The following EPHA5 variants were observed in gnomAD, a reference collection of about 807,000 sequenced individuals.
EPHA5 encodes the protein EPH receptor A5.
Under a neutral mutation model 105.0 loss-of-function variants are expected in EPHA5, and 60 were observed. The ratio of observed to expected loss-of-function variants is 0.57; its 90% CI spans 0.46 to 0.71. The LOEUF (loss-of-function observed/expected upper bound fraction) is 0.71, where lower values mean the gene tolerates loss of function less well. Ranked by LOEUF, EPHA5 falls within the 30% of genes least tolerant of loss-of-function variation. The pLI is 0.00. For synonymous variants in EPHA5, 513 were observed against 449.1 expected (o/e 1.14, Z -1.80); for missense variants, 1,218 against 1,274.7 (o/e 0.96, Z 0.68).
rs575608289 is a variant in EPHA5, at chr4:65,418,862, C to CTTTTTTTTTTTTTTTT, written c.1527+1563_1527+1578dup. Among the ~76,000 whole-genome samples the CTTTTTTTTTTTTTTTT allele has an allele frequency of 2.6e-3, 122 of 47,074 alleles. 13 individuals carry two copies. The highest frequency in any genetic ancestry group is 3.0e-3 in the Non-Finnish European group (85 of 28,352). The allele number at this position is 47,074 out of a possible 152,430, so 30.9% of individuals were successfully genotyped here. ...AACATTCAATACACTTACCTAAACTCTTTTTTTTTTTTTTTTTTTTTTTTT... is the reference window on the plus strand; with the variant it reads ...AACATTCAATACACTTACCTAAACTCTTTTTTTTTTTTTTTTTTTTTTTTTTTTTTTTTTTTTTTTT... On this transcript the variant is annotated intron_variant, in intron 6 of 16. Transcript: ENST00000613740.
At chr4:65,476,125 A>AGT (rs1472563369) in intron 5 of EPHA5, among the ~76,000 whole-genome samples, 18,854 of 130,868 alleles carry the variant, frequency 0.14, 1,136 homozygotes, top group Non-Finnish European at 0.18. Context: ...AGAGAGAGAG[A>AGT]GAGTGTGTGT....
chr4:65,665,556 C>T (rs1749896254), intron 1 of EPHA5, among the ~76,000 whole-genome samples: 1 of 151,922 alleles, frequency 6.6e-6, no homozygotes, highest in African/African-American at 2.4e-5. Flanking sequence ...AAAAAGTGCA[C>T]CTTTTTTTCC....
intron 6 of EPHA5, among the ~76,000 whole-genome samples, chr4:65,415,022 T>C (rs921804823): frequency 1.3e-5 from 2 of 152,310 alleles, no homozygotes; most frequent in Admixed American, 6.5e-5. Flanking sequence ...AACGTTTTTA[T>C]TTATCTTTGA....
intron 3 of EPHA5, among the ~76,000 whole-genome samples, chr4:65,512,327 T>C (rs1206150689): frequency 6.6e-6 from 1 of 152,048 alleles, no homozygotes; most frequent in East Asian, 1.9e-4. Context: ...AATAAATATG[T>C]CAGGAAATGT....
chr4:65,621,349 A>G (rs1745688720), intron 2 of EPHA5, among the ~76,000 whole-genome samples: 1 of 152,182 alleles, frequency 6.6e-6, no homozygotes, highest in Non-Finnish European at 1.5e-5. Flanking sequence ...ATGTACTGGC[A>G]AAGTGACTTT....
rs1365023269 is a variant in EPHA5 at position 65,336,203 on chromosome 4, C to T, written c.2596-78G>A. 1.4e-5 allele frequency: 16 copies of T among 1,163,738 alleles called. No individual in the cohort carries two copies. In the East Asian group the frequency reaches 3.0e-4, roughly 22 times the overall value. The allele number at this position is 1,163,738 out of a possible 1,614,324, so 72.1% of individuals were successfully genotyped here. A position where few individuals can be genotyped will look rare whatever the true frequency, so the allele number is the denominator to read the frequency against. ...ATAGCTTTAAAAATGTCCCACTGTC[C>T]AACTTTTATCCTTTCTTATCCTTAC... On this transcript the variant is annotated intron_variant, in intron 14 of 16. Coordinates refer to ENST00000613740, the MANE Select transcript of EPHA5 (RefSeq NM_001281766.3).
intron 3 of EPHA5, among the ~76,000 whole-genome samples, chr4:65,550,277 G>A (rs1353905544): frequency 6.6e-6 from 1 of 151,688 alleles, no homozygotes; most frequent in African/African-American, 2.4e-5. Flanking sequence ...GTAGTGGAGG[G>A]GTGCCCATAT....
At chr4:65,631,904 A>G (rs1187439915) in intron 2 of EPHA5, among the ~76,000 whole-genome samples, 2 of 152,106 alleles carry the variant, frequency 1.3e-5, no homozygotes, top group Non-Finnish European at 2.9e-5. Context: ...CAGGGTAAAC[A>G]CAGTGATACT....
At chr4:65,451,549 T>C (rs1727069260) in intron 5 of EPHA5, among the ~76,000 whole-genome samples, 1 of 152,148 alleles carries the variant, frequency 6.6e-6, no homozygotes, top group South Asian at 2.1e-4. Context: ...TTTATAACAA[T>C]TAAACAGCAA....
intron 5 of EPHA5, among the ~76,000 whole-genome samples, chr4:65,430,578 C>T (rs1164352046): frequency 6.6e-6 from 1 of 151,992 alleles, no homozygotes; most frequent in African/African-American, 2.4e-5. Context: ...ACTTTATATA[C>T]ATTAACTCAT....
At chr4:65,644,019 G>A (rs1202026160) in intron 1 of EPHA5, among the ~76,000 whole-genome samples, 2 of 151,978 alleles carry the variant, frequency 1.3e-5, no homozygotes, top group Non-Finnish European at 2.9e-5. Flanking sequence ...TCTTGAGATA[G>A]TTGATATACT....
At chr4:65,546,335 T>C (rs977086923) in intron 3 of EPHA5, among the ~76,000 whole-genome samples, 1 of 151,992 alleles carries the variant, frequency 6.6e-6, no homozygotes, top group African/African-American at 2.4e-5. Flanking sequence ...AGTAACATTT[T>C]CTTCTCTTTT....
intron 6 of EPHA5, among the ~76,000 whole-genome samples, chr4:65,419,731 C>T (rs1290707144): frequency 1.3e-5 from 2 of 152,194 alleles, no homozygotes; most frequent in Non-Finnish European, 1.5e-5. Context: ...TACTCCAGCC[C>T]AGTTTTAGAA....
chr4:65,364,977 A>AG, intron 11 of EPHA5, 40 bp downstream of exon 11: 1 of 1,517,386 alleles, frequency 6.6e-7, no homozygotes, highest in Non-Finnish European at 9.1e-7. Flanking sequence ...ACAGATATTG[A>AG]GGATATGCAC....
At chr4:65,360,113 C>T (rs1717131847) in intron 11 of EPHA5, among the ~76,000 whole-genome samples, 1 of 151,554 alleles carries the variant, frequency 6.6e-6, no homozygotes, top group South Asian at 2.1e-4. Flanking sequence ...TTTGTTCAAG[C>T]CTTATCTAAG....
At chr4:65,479,679 C>T (rs1730165506) in intron 5 of EPHA5, among the ~76,000 whole-genome samples, 1 of 152,004 alleles carries the variant, frequency 6.6e-6, no homozygotes, top group Admixed American at 6.6e-5. Flanking sequence ...GAACCTGGGT[C>T]TCTGTTACTG....
chr4:65,531,006 ATTTTTTTT>A (rs1735722135), intron 3 of EPHA5, among the ~76,000 whole-genome samples: 3 of 146,974 alleles, frequency 2.0e-5, no homozygotes, highest in African/African-American at 7.7e-5. Context: ...ATTTTTTTTT[ATTTTTTTT>A]ATTTTTTTTA....
chr4:65,541,009 T>A (rs1020790005), intron 3 of EPHA5, among the ~76,000 whole-genome samples: 3 of 151,308 alleles, frequency 2.0e-5, no homozygotes, highest in African/African-American at 7.3e-5. Context: ...AATACAACCA[T>A]AATATCTCTC....
chr4:65,438,297 T>A (rs1274970011), intron 5 of EPHA5, among the ~76,000 whole-genome samples: 1 of 151,970 alleles, frequency 6.6e-6, no homozygotes, highest in Non-Finnish European at 1.5e-5. Context: ...TGATTTTTCA[T>A]CTTATTTCTC....
Sources: gnomAD v4.1 joint callset for allele counts (sites outside exome capture counted in the v4.1 genomes callset) on GRCh38, gnomAD v4.1.1 for gene constraint, MANE v1.5 for transcripts, NCBI Gene and HGNC (gene_info 2026-07-23, HGNC 2026-07-21) for gene names.